The following DIPK1A variants were observed in gnomAD, a reference collection of about 807,000 sequenced individuals.
The protein encoded by DIPK1A is family with sequence similarity 69 member A.
Under a neutral mutation model 40.8 loss-of-function variants are expected in DIPK1A, and 27 were observed. The ratio of observed to expected loss-of-function variants is 0.66; its 90% CI spans 0.49 to 0.91. The LOEUF is 0.91. DIPK1A is among the 40% of genes least tolerant of loss of function. DIPK1A has a pLI of 0.00. For synonymous variants in DIPK1A, 166 were observed against 171.3 expected, an observed-to-expected ratio of 0.97 and a Z score of 0.24; for missense variants, 412 against 505.7, an observed-to-expected ratio of 0.81 and a Z score of 1.78.
chr1:92,840,903 A>ATCTT (rs1687337565), downstream of DIPK1A: 1 of 578,066 alleles, frequency 1.7e-6, no homozygotes, highest in Non-Finnish European at 3.3e-6. Flanking sequence ...CTTTTTGTTG[A>ATCTT]TCTTTCATGT....
At chr1:92,949,714 A>G (rs1651552689) in intron 1 of DIPK1A, among the ~76,000 whole-genome samples, 1 of 152,190 alleles carries the variant, frequency 6.6e-6, no homozygotes, top group African/African-American at 2.4e-5. Flanking sequence ...AAGAGAGGCT[A>G]CCTTTAGGGA....
chr1:92,912,329 T>C (rs1238514220), intron 1 of DIPK1A, among the ~76,000 whole-genome samples: 2 of 152,114 alleles, frequency 1.3e-5, no homozygotes, highest in African/African-American at 2.4e-5. Context: ...AAAGTTGTGA[T>C]AGGTTTGTGG....
chr1:92,942,695 T>C (rs1372847383), intron 1 of DIPK1A, among the ~76,000 whole-genome samples: 1 of 152,206 alleles, frequency 6.6e-6, no homozygotes, highest in Non-Finnish European at 1.5e-5. Flanking sequence ...AGTCTAGCAC[T>C]GTCACCCAGG....
intron 1 of DIPK1A, among the ~76,000 whole-genome samples, chr1:92,911,710 A>G (rs2100837117): frequency 6.6e-6 from 1 of 152,254 alleles, no homozygotes; most frequent in Non-Finnish European, 1.5e-5. Flanking sequence ...TATGAAAGTT[A>G]CATGTTTAGG....
Position 92,835,410 on chromosome 1 carries a change from T to C in DIPK1A, c.475-2376A>G, listed in dbSNP as rs1375863113. ...GCTCACACTTATAATCCCAGCACTT[T>C]GGGAGGCCGAGGAGGGTGGATCACT... is the stretch of plus-strand genomic sequence containing the variant. On this transcript the variant is annotated intron_variant, in intron 4 of 4. Coordinates refer to the DIPK1A transcript ENST00000615519. 2.1e-5 allele frequency: 4 copies of C among 189,474 alleles called. No individual in the cohort carries two copies. The East Asian group carries it at 5.3e-4, about 25-fold the overall frequency. 11.7% of individuals were successfully genotyped at this position (189,474 alleles called of 1,614,324 possible).
rs577489431 is a variant in DIPK1A at position 92,836,735 on chromosome 1, T to C, written c.475-3701A>G. On this transcript the variant is annotated intron_variant, in intron 4 of 4. Transcript: ENST00000615519. Reference sequence around the variant, plus strand: ...TTTCTTTTTTCAATCAGAATAAAAATGATTTACTGAATTATGCAAAAAGGT... The same window carrying C: ...TTTCTTTTTTCAATCAGAATAAAAACGATTTACTGAATTATGCAAAAAGGT... The C allele has an allele frequency of 3.0e-4, 78 of 256,800 alleles. 1 individual carries two copies. Among genetic ancestry groups the C allele is most frequent in the African/African-American group, 1.6e-3 (70 of 44,784 alleles). The allele number at this position is 256,800 out of a possible 1,614,324, so 15.9% of individuals were successfully genotyped here. A position where few individuals can be genotyped will look rare whatever the true frequency, so the allele number is the denominator to read the frequency against.
intron 2 of DIPK1A, among the ~76,000 whole-genome samples, chr1:92,856,988 C>A (rs1003800147): frequency 6.6e-6 from 1 of 152,024 alleles, no homozygotes; most frequent in African/African-American, 2.4e-5. Flanking sequence ...AATAAATAGG[C>A]CCAGACATAT....
rs555001723 is a variant in DIPK1A, at chr1:92,918,045, G to A, written c.55-41615C>T. 2.5e-4 allele frequency among the ~76,000 whole-genome samples: 38 copies of A among 152,274 alleles called. 1 individual carries two copies. The South Asian group carries it at 3.7e-3, about 15-fold the overall frequency. On this transcript the variant is annotated intron_variant, in intron 1 of 4. Coordinates refer to ENST00000370310, the MANE Select transcript of DIPK1A (RefSeq NM_001006605.5). ...CATAACACATAGGCTCCCATCCTTA[G>A]TAGAGAATAAGAAAATAAATGTATT... is the stretch of plus-strand genomic sequence containing the variant.
chr1:92,879,352 TTC>T (rs1648274636), intron 1 of DIPK1A, among the ~76,000 whole-genome samples: 2 of 152,116 alleles, frequency 1.3e-5, no homozygotes, highest in African/African-American at 4.8e-5. Flanking sequence ...GTGATAATGG[TTC>T]TGTGACAATA....
chr1:92,890,854 C>G (rs186876276), intron 1 of DIPK1A, among the ~76,000 whole-genome samples: 17 of 152,208 alleles, frequency 1.1e-4, no homozygotes, highest in African/African-American at 4.1e-4. Context: ...GAATGCCCTT[C>G]TTTTCAGTTT....
chr1:92,834,221 T>C (rs1687029189), intron 4 of DIPK1A, among the ~76,000 whole-genome samples: 1 of 152,202 alleles, frequency 6.6e-6, no homozygotes, highest in Admixed American at 6.5e-5. Context: ...ACTTAACCAC[T>C]GAAAAGGTAG....
intron 1 of DIPK1A, among the ~76,000 whole-genome samples, chr1:92,942,896 C>G (rs1213863824): frequency 6.6e-6 from 1 of 152,196 alleles, no homozygotes; most frequent in African/African-American, 2.4e-5. Context: ...AACTCCTGAC[C>G]TCATGATTCG....
chr1:92,921,962 C>T (rs17380789), intron 1 of DIPK1A, among the ~76,000 whole-genome samples: 47,886 of 151,564 alleles, frequency 0.32, 8,038 homozygotes, highest in Non-Finnish European at 0.37. Flanking sequence ...ATTTTTTTTT[C>T]CTGGTAGAGC....
chr1:92,926,254 A>G (rs759172463), intron 1 of DIPK1A, among the ~76,000 whole-genome samples: 3 of 152,192 alleles, frequency 2.0e-5, no homozygotes, highest in African/African-American at 7.2e-5. Context: ...CACATTTTTT[A>G]TTATCATTCA....
In DIPK1A at chr1:92,954,470, C is replaced by T. The variant is rs146506627; in HGVS notation, c.54+6906G>A. ...TTGGCTCACTGCAACCTCCAACTCC[C>T]GGGTTCAAGCTCTCCCACCTCAGCC... On this transcript the variant is annotated intron_variant, in intron 1 of 4. Transcript: ENST00000370310. Among the ~76,000 whole-genome samples the T allele has an allele frequency of 4.3e-3, 632 of 147,138 alleles. 3 individuals carry two copies. Among genetic ancestry groups the T allele is most frequent in the Non-Finnish European group, 7.2e-3 (484 of 67,260 alleles).
downstream of DIPK1A, chr1:92,837,342 C>T (rs1486093227): frequency 1.1e-6 from 1 of 896,718 alleles, no homozygotes; most frequent in Non-Finnish European, 1.9e-6. Flanking sequence ...CCTTTGGTTG[C>T]ATATGATGCG....
chr1:92,951,368 ACT>A (rs1161122142), intron 1 of DIPK1A, among the ~76,000 whole-genome samples: 3 of 152,162 alleles, frequency 2.0e-5, no homozygotes, highest in Non-Finnish European at 4.4e-5. Flanking sequence ...GGAAATGGAG[ACT>A]CAGTCCTGCA....
intron 1 of DIPK1A, among the ~76,000 whole-genome samples, chr1:92,918,737 G>C (rs184327229): frequency 2.4e-4 from 36 of 152,280 alleles, no homozygotes; most frequent in African/African-American, 8.4e-4. Flanking sequence ...TCACATCAGG[G>C]ACGGGTTTCG....
At chr1:92,850,543 T>G (rs1056517780) in intron 3 of DIPK1A, among the ~76,000 whole-genome samples, 2 of 152,004 alleles carry the variant, frequency 1.3e-5, no homozygotes, top group African/African-American at 4.8e-5. Context: ...TAGCCAAGTG[T>G]GGTTGTGTGA....
Sources: gnomAD v4.1 joint callset for allele counts (sites outside exome capture counted in the v4.1 genomes callset) on GRCh38, gnomAD v4.1.1 for gene constraint, MANE v1.5 for transcripts, NCBI Gene and HGNC (gene_info 2026-07-23, HGNC 2026-07-21) for gene names.